Variants in MEGF11 observed in about 807,000 individuals in gnomAD.
The protein encoded by MEGF11 is multiple epidermal growth factor-like domains protein 11.
In MEGF11, 126 loss-of-function variants were observed where a neutral mutation model predicts 146.6. That is an observed-to-expected ratio of 0.86 (90% CI 0.74 to 1.00). The LOEUF (loss-of-function observed/expected upper bound fraction) is 1.00. MEGF11 is among the 50% of genes least tolerant of loss of function. The pLI is 0.00. For missense variants in MEGF11, 1,509 were observed against 1,521.2 expected (o/e 0.99, Z 0.13); for synonymous variants, 532 against 583.4 (o/e 0.91, Z 1.27).
At chr15:66,240,412 C>T (rs1303622096) in intron 1 of MEGF11, among the ~76,000 whole-genome samples, 1 of 152,232 alleles carries the variant, frequency 6.6e-6, no homozygotes, top group Non-Finnish European at 1.5e-5. Context: ...TACAGAAAGG[C>T]CACGAAGGGA....
At chr15:65,963,958 C>A (rs992559529) in intron 9 of MEGF11, among the ~76,000 whole-genome samples, 3 of 152,240 alleles carry the variant, frequency 2.0e-5, no homozygotes, top group African/African-American at 7.2e-5. Context: ...CAGAGGGATT[C>A]TCTGTCTGCC....
intron 1 of MEGF11, among the ~76,000 whole-genome samples, chr15:66,134,742 G>A (rs1167455092): frequency 1.3e-5 from 2 of 152,248 alleles, no homozygotes; most frequent in Admixed American, 6.5e-5. Flanking sequence ...GGGAGCCCTC[G>A]AGAATCCCTG....
intron 1 of MEGF11, among the ~76,000 whole-genome samples, chr15:66,163,353 C>T (rs1236727846): frequency 6.6e-6 from 1 of 152,158 alleles, no homozygotes; most frequent in Non-Finnish European, 1.5e-5. Flanking sequence ...GGAGACTAAA[C>T]AAGATGGAAA....
intron 1 of MEGF11, among the ~76,000 whole-genome samples, chr15:66,244,440 C>T (rs2092265226): frequency 2.0e-5 from 3 of 152,146 alleles, no homozygotes; most frequent in Admixed American, 1.3e-4. Context: ...TGCAGCAAAG[C>T]AGTGGGGCAC....
chr15:66,041,909 G>C (rs1359684461), intron 5 of MEGF11, among the ~76,000 whole-genome samples: 1 of 152,114 alleles, frequency 6.6e-6, no homozygotes, highest in Admixed American at 6.5e-5. Context: ...ATCTAAACCA[G>C]GGTCAGCCTG....
intron 5 of MEGF11, among the ~76,000 whole-genome samples, chr15:66,062,704 T>C (rs1160272462): frequency 6.6e-6 from 1 of 152,194 alleles, no homozygotes; most frequent in Non-Finnish European, 1.5e-5. Flanking sequence ...CTACTAAATA[T>C]GTGGGAGTTC....
chr15:66,099,307 C>A (rs983981727), intron 4 of MEGF11, among the ~76,000 whole-genome samples: 1 of 151,366 alleles, frequency 6.6e-6, no homozygotes, highest in African/African-American at 2.4e-5. Context: ...CTCAGCCTCC[C>A]GAGTAGCTGG....
At chr15:65,927,488 T>C (rs1310067119) in intron 13 of MEGF11, among the ~76,000 whole-genome samples, 1 of 152,234 alleles carries the variant, frequency 6.6e-6, no homozygotes, top group Non-Finnish European at 1.5e-5. Flanking sequence ...CAGTTGTCAT[T>C]GAACTCTGAT....
intron 20 of MEGF11, among the ~76,000 whole-genome samples, chr15:65,912,854 A>G (rs1390739327): frequency 6.6e-6 from 1 of 152,224 alleles, no homozygotes; most frequent in Non-Finnish European, 1.5e-5. Context: ...AACACTTAGC[A>G]GGAATGGGCT....
chr15:66,083,226 GAA>G (rs2085971606), intron 5 of MEGF11, among the ~76,000 whole-genome samples: 1 of 152,214 alleles, frequency 6.6e-6, no homozygotes, highest in African/African-American at 2.4e-5. Flanking sequence ...TTTCTGGTAT[GAA>G]GGTAGAGATC....
intron 5 of MEGF11, among the ~76,000 whole-genome samples, chr15:66,053,052 A>G (rs939956848): frequency 8.6e-5 from 13 of 151,966 alleles, no homozygotes; most frequent in African/African-American, 2.9e-4. Flanking sequence ...GGACAGGTAC[A>G]TGGATGGATA....
rs753017066 is a variant in MEGF11 at position 66,244,871 on chromosome 15, G to A, written c.-9+8734C>T. 7.8e-4 allele frequency among the ~76,000 whole-genome samples: 118 copies of A among 152,072 alleles called. 1 individual carries two copies. Among genetic ancestry groups the A allele is most frequent in the Non-Finnish European group, 1.3e-3 (87 of 68,026 alleles). On this transcript the variant is annotated intron_variant, in intron 1 of 25. Coordinates refer to ENST00000395614, the MANE Select transcript of MEGF11 (RefSeq NM_001385028.1). ...GAAGTGCTGTGTGCTTGCTGGCCAC[G>A]ACCCTGGGTATAAAGACAGATACAC... is the stretch of plus-strand genomic sequence containing the variant.
intron 7 of MEGF11, among the ~76,000 whole-genome samples, chr15:65,972,532 GATCTC>G (rs755289720): frequency 2.0e-5 from 3 of 151,772 alleles, no homozygotes; most frequent in Non-Finnish European, 4.4e-5. Context: ...AACAAAGCAA[GATCTC>G]ATCTCTACAA....
chr15:66,113,620 C>G (rs1163562864), intron 4 of MEGF11, among the ~76,000 whole-genome samples: 2 of 152,144 alleles, frequency 1.3e-5, no homozygotes, highest in Non-Finnish European at 2.9e-5. Flanking sequence ...AGTAAAGAAA[C>G]CCTTGGCTCA....
At chr15:65,938,618 C>T (rs1311369260) in intron 10 of MEGF11, among the ~76,000 whole-genome samples, 1 of 152,184 alleles carries the variant, frequency 6.6e-6, no homozygotes, top group African/African-American at 2.4e-5. Flanking sequence ...CAGTCCTGTT[C>T]AGCATCTTTT....
At chr15:66,243,251 G>C (rs763668589) in intron 1 of MEGF11, among the ~76,000 whole-genome samples, 8 of 152,186 alleles carry the variant, frequency 5.3e-5, no homozygotes, top group Non-Finnish European at 1.0e-4. Flanking sequence ...ACAGTACAAG[G>C]GTCCCAGGTT....
At chr15:65,951,048 C>G (rs758267885) in intron 10 of MEGF11, among the ~76,000 whole-genome samples, 1 of 152,118 alleles carries the variant, frequency 6.6e-6, no homozygotes, top group Non-Finnish European at 1.5e-5. Context: ...GTGTGGTAGG[C>G]ATTGTAGGCT....
intron 10 of MEGF11, among the ~76,000 whole-genome samples, chr15:65,950,533 A>G (rs2080361752): frequency 6.6e-6 from 1 of 151,976 alleles, no homozygotes; most frequent in Non-Finnish European, 1.5e-5. Flanking sequence ...GTGAGCCAAG[A>G]TCGCACCACT....
At chr15:66,237,167 G>T (rs2092112146) in intron 1 of MEGF11, among the ~76,000 whole-genome samples, 1 of 152,146 alleles carries the variant, frequency 6.6e-6, no homozygotes, top group Non-Finnish European at 1.5e-5. Context: ...CCCAAGTCCA[G>T]CGCTCTCGTG....
Sources: allele counts gnomAD v4.1 joint callset (sites outside exome capture counted in the v4.1 genomes callset), GRCh38; gene constraint gnomAD v4.1.1; transcripts MANE v1.5; gene names NCBI Gene and HGNC (gene_info 2026-07-23, HGNC 2026-07-21).